CACNA2D1: variants seen among roughly 807,000 people sequenced by gnomAD.
CACNA2D1 encodes voltage-dependent calcium channel subunit alpha-2/delta-1.
In CACNA2D1, 53 loss-of-function variants were observed where a neutral mutation model predicts 171.5. The ratio of observed to expected loss-of-function variants is 0.31; its 90% CI spans 0.25 to 0.39. The LOEUF is 0.39. Among genes scored for constraint, CACNA2D1 ranks in the 10% least tolerant of loss-of-function variants. CACNA2D1 has a pLI of 1.00. For missense variants in CACNA2D1, 903 were observed against 1,299.8 expected (o/e 0.69, Z 4.69); for synonymous variants, 442 against 443.1 (o/e 1.00, Z 0.03).
At chr7:82,386,511 T>A (rs1824401189) in intron 1 of CACNA2D1, among the ~76,000 whole-genome samples, 1 of 152,010 alleles carries the variant, frequency 6.6e-6, no homozygotes, top group Non-Finnish European at 1.5e-5. Context: ...CTTTGGGAGA[T>A]CACCAGAGGT....
intron 4 of CACNA2D1, among the ~76,000 whole-genome samples, chr7:82,137,859 CAAA>C (rs77305052): frequency 6.7e-6 from 1 of 149,400 alleles, no homozygotes; most frequent in African/African-American, 2.5e-5. Context: ...GACTCCGCCT[CAAA>C]AAAAAAATTT....
At chr7:82,270,239 C>T (rs1423852283) in intron 3 of CACNA2D1, among the ~76,000 whole-genome samples, 1 of 152,102 alleles carries the variant, frequency 6.6e-6, no homozygotes, top group Non-Finnish European at 1.5e-5. Flanking sequence ...GAGTCATTGG[C>T]TATTCCCCAA....
rs200026717 is a variant in CACNA2D1 at position 82,165,964 on chromosome 7, A to G, written c.354+4586T>C. 7.2e-5 allele frequency among the ~76,000 whole-genome samples: 11 copies of G among 152,116 alleles called. No homozygotes were observed. The East Asian group carries it at 2.1e-3, about 29-fold the overall frequency. ...TTATCCCTAAAAGTCAGTTCTTTCA[A>G]TATCCAAGACCTCATACCAAGTGAC... On this transcript the variant is annotated intron_variant, in intron 4 of 38. Transcript: ENST00000356860.
At chr7:82,341,150 A>G (rs1364350203) in intron 2 of CACNA2D1, among the ~76,000 whole-genome samples, 2 of 152,126 alleles carry the variant, frequency 1.3e-5, no homozygotes, top group Non-Finnish European at 2.9e-5. Context: ...TCTTCTTTCT[A>G]AAAGGTGTAT....
rs1802042504 is a variant in CACNA2D1 at position 82,223,792 on chromosome 7, T to C, written c.295-53183A>G. 3.3e-5 allele frequency among the ~76,000 whole-genome samples: 5 copies of C among 152,284 alleles called. No individual in the cohort carries two copies. In the South Asian group the frequency reaches 1.0e-3, roughly 32 times the overall value. On this transcript the variant is annotated intron_variant, in intron 3 of 38. Coordinates refer to ENST00000356860, the MANE Select transcript of CACNA2D1 (RefSeq NM_000722.4). ...CACCCCAGTCTCCACAAAGGAGCCATAATGATGCTTCTGAAAATGTAAATC... is the reference window on the plus strand; with the variant it reads ...CACCCCAGTCTCCACAAAGGAGCCACAATGATGCTTCTGAAAATGTAAATC...
chr7:82,325,054 T>C (rs767621442), intron 3 of CACNA2D1, among the ~76,000 whole-genome samples: 12 of 152,216 alleles, frequency 7.9e-5, no homozygotes, highest in Non-Finnish European at 1.6e-4. Context: ...ATCTCCTTAG[T>C]TGGCACCTGC....
At chr7:82,088,149 T>A (rs1429962685) in intron 6 of CACNA2D1, among the ~76,000 whole-genome samples, 9 of 152,172 alleles carry the variant, frequency 5.9e-5, no homozygotes, top group Non-Finnish European at 1.2e-4. Context: ...CAAGTGCTTT[T>A]TAAAGTTAAA....
chr7:82,306,463 G>A (rs901660606), intron 3 of CACNA2D1, among the ~76,000 whole-genome samples: 1 of 152,190 alleles, frequency 6.6e-6, no homozygotes, highest in East Asian at 1.9e-4. Context: ...AGATTTTGCT[G>A]TCTCAACTTT....
Position 82,064,332 on chromosome 7 carries a change from G to A in CACNA2D1, c.751C>T (p.Pro251Ser). The A allele has an allele frequency of 6.2e-7, 1 of 1,605,538 alleles. No homozygotes were observed. Among genetic ancestry groups the A allele is most frequent in the Non-Finnish European group, 8.5e-7 (1 of 1,173,096 alleles). The change falls in exon 9 of 39, where the codon CCT becomes TCT. Residue 251 changes from proline (P) to serine (S), a missense_variant. This residue lies in a region of CACNA2D1 where 12 missense variants were observed against 50.7 expected (regional missense o/e 0.24). Transcript: ENST00000356860. ...RPWYIQGAAS[P>S]KDMLILVDVS... is the part of the protein sequence containing the mutation. ...TCCACCAGAATAAGCATGTCTTTAG[G>A]AGATGCAGCTCCTTGGATGTACCTG...
chr7:82,074,758 T>A (rs549321905), intron 7 of CACNA2D1, among the ~76,000 whole-genome samples: 1 of 152,136 alleles, frequency 6.6e-6, no homozygotes, highest in East Asian at 1.9e-4. Flanking sequence ...AATCAAATAA[T>A]TTTGAATTTT....
intron 4 of CACNA2D1, among the ~76,000 whole-genome samples, chr7:82,140,693 T>C (rs894696550): frequency 3.3e-5 from 5 of 152,072 alleles, no homozygotes; most frequent in Admixed American, 6.6e-5. Flanking sequence ...CGGTGGCTCA[T>C]GCCTGTAGTC....
At chr7:82,264,501 G>A (rs1039854184) in intron 3 of CACNA2D1, among the ~76,000 whole-genome samples, 1 of 152,208 alleles carries the variant, frequency 6.6e-6, no homozygotes, top group Admixed American at 6.5e-5. Flanking sequence ...TTTATTGTGA[G>A]AGAGTAAAAG....
At chr7:82,122,031 T>C (rs1377908782) in intron 5 of CACNA2D1, among the ~76,000 whole-genome samples, 6 of 152,128 alleles carry the variant, frequency 3.9e-5, no homozygotes, top group Middle Eastern at 6.3e-3. Flanking sequence ...TTAGATTCAG[T>C]GTAAAGTCTT....
At chr7:82,314,437 C>G (rs982215220) in intron 3 of CACNA2D1, among the ~76,000 whole-genome samples, 3 of 152,064 alleles carry the variant, frequency 2.0e-5, no homozygotes, top group African/African-American at 7.2e-5. Flanking sequence ...AATGAAACTT[C>G]TGGCAAAAAC....
intron 10 of CACNA2D1, chr7:82,050,409 C>T: frequency 6.9e-6 from 4 of 582,642 alleles, no homozygotes; most frequent in Non-Finnish European, 1.2e-5. Flanking sequence ...CACAAGCTGC[C>T]CAAACCTCAA....
At chr7:82,218,769 A>G (rs1026353133) in intron 3 of CACNA2D1, among the ~76,000 whole-genome samples, 2 of 152,168 alleles carry the variant, frequency 1.3e-5, no homozygotes, top group African/African-American at 4.8e-5. Context: ...GTTTAGTGCA[A>G]TGTGGAATCT....
chr7:81,973,071 T>C (rs1415458396), intron 25 of CACNA2D1, among the ~76,000 whole-genome samples: 2 of 152,074 alleles, frequency 1.3e-5, no homozygotes, highest in African/African-American at 4.8e-5. Flanking sequence ...AAAAGAATGA[T>C]TCCAATTTTC....
chr7:82,355,213 T>C (rs1820285383), intron 1 of CACNA2D1, among the ~76,000 whole-genome samples: 2 of 152,142 alleles, frequency 1.3e-5, no homozygotes, highest in African/African-American at 4.8e-5. Flanking sequence ...GAAAGTTTAA[T>C]AGTTTGAAAA....
rs1584925646 is a variant in CACNA2D1 at position 82,149,532 on chromosome 7, T to C, written c.355-12856A>G. On this transcript the variant is annotated intron_variant, in intron 4 of 38. Coordinates refer to ENST00000356860, the MANE Select transcript of CACNA2D1 (RefSeq NM_000722.4). ...CCAAAGAATGAGGAGGCTCAGGTAG[T>C]ATCCACCCATACCAACTGTCACTCG... 4.6e-5 allele frequency among the ~76,000 whole-genome samples: 7 copies of C among 152,004 alleles called. No individual in the cohort carries two copies. In the South Asian group the frequency reaches 1.5e-3, roughly 32 times the overall value.
Sources: gnomAD v4.1 joint callset for allele counts (sites outside exome capture counted in the v4.1 genomes callset) on GRCh38, gnomAD v4.1.1 for gene constraint, gnomAD v4.1.1 regional missense constraint, MANE v1.5 for transcripts, NCBI Gene and HGNC (gene_info 2026-07-23, HGNC 2026-07-21) for gene names.